The following CELF5 variants were observed in gnomAD, a reference collection of about 807,000 sequenced individuals.
CELF5 encodes CUG-BP and ETR-3 like factor 5.
Under a neutral mutation model 54.9 loss-of-function variants are expected in CELF5, and 6 were observed. That is an observed-to-expected ratio of 0.11 (90% CI 0.06 to 0.22). The LOEUF (loss-of-function observed/expected upper bound fraction) is 0.22, where lower values mean the gene tolerates loss of function less well. Among genes scored for constraint, CELF5 ranks in the 10% least tolerant of loss-of-function variants. The pLI, the probability that CELF5 is intolerant of heterozygous loss-of-function variation, is 1.00. For missense variants in CELF5, 401 were observed against 678.6 expected, an observed-to-expected ratio of 0.59 and a Z score of 4.54; for synonymous variants, 271 against 290.9, an observed-to-expected ratio of 0.93 and a Z score of 0.70.
In CELF5 at chr19:3,268,388, A is replaced by C. The variant is rs2079912892; in HGVS notation, c.343-5484A>C. On this transcript the variant is annotated intron_variant, in intron 2 of 12. Coordinates refer to ENST00000292672, the MANE Select transcript of CELF5 (RefSeq NM_021938.4). This position sits in a 1 kb window ranked among gnomAD's most constrained non-coding sequence, Gnocchi z 4.4. The stretch of plus-strand genomic sequence containing the variant: ...ACCCGAGCTCGGCACACAGGCACAG[A>C]ATAAATGAATGAATAATGAATAAAT... Among the ~76,000 whole-genome samples the C allele has an allele frequency of 6.6e-6, 1 of 152,180 alleles. No individual in the cohort carries two copies. Among genetic ancestry groups the C allele is most frequent in the Admixed American group, 6.6e-5 (1 of 15,266 alleles).
In CELF5 at chr19:3,228,773, C is replaced by A. The variant is rs576531162; in HGVS notation, c.259+3775C>A. On this transcript the variant is annotated intron_variant, in intron 1 of 12. Transcript: ENST00000292672. This position sits in a 1 kb window ranked among gnomAD's most constrained non-coding sequence, Gnocchi z 6.0. ...TGACGCACCAGCTCCAGGGAGAAGG[C>A]GGGCTGGGCGGCCTGGCGGGGGGAC... Among the ~76,000 whole-genome samples, 6 of 137,742 alleles carry A rather than the reference C, an allele frequency of 4.4e-5. No homozygotes were observed. The highest frequency in any genetic ancestry group is 1.7e-4 in the African/African-American group (6 of 35,696). 90.4% of individuals were successfully genotyped at this position (137,742 alleles called of 152,430 possible).
intron 9 of CELF5, 113 bp from the exon 10 acceptor site, chr19:3,285,829 T>A (rs1599479848): frequency 6.7e-5 from 8 of 120,008 alleles, no homozygotes; most frequent in Admixed American, 2.6e-4. Context: ...TCACACCCAC[T>A]CCTGCCTTGG....
In CELF5 at chr19:3,228,671, C is replaced by T. The variant is rs1917073078; in HGVS notation, c.259+3673C>T. 6.6e-6 allele frequency among the ~76,000 whole-genome samples: 1 copy of T among 150,516 alleles called. No individual in the cohort carries two copies. The highest frequency in any genetic ancestry group is 1.5e-5 in the Non-Finnish European group (1 of 67,432). On this transcript the variant is annotated intron_variant, in intron 1 of 12. Transcript: ENST00000292672. The surrounding 1 kb of genome is among the most constrained non-coding windows in gnomAD (Gnocchi z 6.0). ...GGGCCCGCGGTTTCCATGGGAGCAC[C>T]AGCTGCCGGCTCGACTCGGGAGGGG...
intron 1 of CELF5, among the ~76,000 whole-genome samples, chr19:3,248,268 A>C (rs2079594462): frequency 6.6e-6 from 1 of 151,890 alleles, no homozygotes; most frequent in South Asian, 2.1e-4. Flanking sequence ...TGATCCTCCC[A>C]CCTTGGCCTC....
In CELF5 at chr19:3,282,003, C is replaced by A; in HGVS notation, c.751-123C>A. ...TCCCAGTCTGAGCTCCAATTCTGAT[C>A]TCAGCCTGAGCCAAGATACCCAGCC... is the stretch of plus-strand genomic sequence containing the variant. On this transcript the variant is annotated intron_variant, in intron 6 of 12. Transcript: ENST00000292672. This position sits in a 1 kb window ranked among gnomAD's most constrained non-coding sequence, Gnocchi z 5.2. 1 of 1,097,318 alleles carries A rather than the reference C, an allele frequency of 9.1e-7. No homozygotes were observed. Among genetic ancestry groups the A allele is most frequent in the Non-Finnish European group, 1.4e-6 (1 of 737,384 alleles). The allele number at this position is 1,097,318 out of a possible 1,614,324, so 68.0% of individuals were successfully genotyped here.
chr19:3,270,569 G>A (rs906728201), intron 2 of CELF5: 7 of 147,042 alleles, frequency 4.8e-5, no homozygotes, highest in Non-Finnish European at 7.6e-5. Flanking sequence ...CGCGGGGCCC[G>A]AGCGTGCAGT....
At chr19:3,258,065 A>G (rs1302618991) in intron 2 of CELF5, among the ~76,000 whole-genome samples, 1 of 151,704 alleles carries the variant, frequency 6.6e-6, no homozygotes, top group South Asian at 2.1e-4. Context: ...GGTTCAAGCA[A>G]TTCTCCTGAC....
chr19:3,252,045 C>G (rs2079658528), intron 2 of CELF5, among the ~76,000 whole-genome samples: 1 of 151,582 alleles, frequency 6.6e-6, no homozygotes, highest in African/African-American at 2.4e-5. Flanking sequence ...TCTGATGAGT[C>G]TCTCCTTATT....
rs569740647 is a variant in CELF5 at position 3,244,799 on chromosome 19, C to T, written c.260-6186C>T. Among the ~76,000 whole-genome samples the T allele has an allele frequency of 6.0e-5, 8 of 132,500 alleles. No individual in the cohort carries two copies. The South Asian group carries it at 2.0e-3, about 33-fold the overall frequency. 86.9% of individuals were successfully genotyped at this position (132,500 alleles called of 152,430 possible). ...TGCGTGTGTGTATGGTATTTGCATG[C>T]GTCTTGTCTGGTATATGTGTGCGTA... On this transcript the variant is annotated intron_variant, in intron 1 of 12. Transcript: ENST00000292672.
At chr19:3,239,532 G>A (rs1400641050) in intron 1 of CELF5, among the ~76,000 whole-genome samples, 3 of 150,226 alleles carry the variant, frequency 2.0e-5, no homozygotes, top group Non-Finnish European at 2.9e-5. Flanking sequence ...CATCATGCCC[G>A]GCTAACTTTT....
chr19:3,267,096 T>TGGGTGC (rs2079893312), intron 2 of CELF5, among the ~76,000 whole-genome samples: 1 of 82,370 alleles, frequency 1.2e-5, no homozygotes, highest in Admixed American at 2.0e-4. Context: ...TGCATGTGTG[T>TGGGTGC]GTGTGTGTGT....
intron 1 of CELF5, among the ~76,000 whole-genome samples, chr19:3,248,328 C>T (rs1383798606): frequency 6.6e-6 from 1 of 152,006 alleles, no homozygotes; most frequent in African/African-American, 2.4e-5. Flanking sequence ...GCCTCCAGAA[C>T]GTTCTCATCT....
intron 1 of CELF5, among the ~76,000 whole-genome samples, chr19:3,234,896 C>G (rs1327450360): frequency 1.3e-5 from 2 of 151,988 alleles, no homozygotes; most frequent in Non-Finnish European, 2.9e-5. Flanking sequence ...CCTTCGCGCC[C>G]CACAGTCTGT....
rs2080325054 is a variant in CELF5 at position 3,290,463 on chromosome 19, C to T, written c.1330+89C>T. On this transcript the variant is annotated intron_variant, in intron 11 of 12. Coordinates refer to ENST00000292672, the MANE Select transcript of CELF5 (RefSeq NM_021938.4). ...GGGAGGGTTTTGGTCGGCCTCGGGA[C>T]AGGGCTGTGCTGAAATAATCACAAT... 2.0e-5 allele frequency: 28 copies of T among 1,417,760 alleles called. No homozygotes were observed. In the Admixed American group the frequency reaches 4.2e-4, roughly 21 times the overall value. 87.8% of individuals were successfully genotyped at this position (1,417,760 alleles called of 1,614,324 possible). A position where few individuals can be genotyped will look rare whatever the true frequency, so the allele number is the denominator to read the frequency against.
At chr19:3,283,780 C>T (rs1422051226) in intron 8 of CELF5, among the ~76,000 whole-genome samples, 2 of 152,054 alleles carry the variant, frequency 1.3e-5, no homozygotes, top group Non-Finnish European at 2.9e-5. Context: ...GAAACTAACA[C>T]TGGCACCATA....
At chr19:3,246,398 A>G (rs966437680) in intron 1 of CELF5, among the ~76,000 whole-genome samples, 1 of 147,282 alleles carries the variant, frequency 6.8e-6, no homozygotes, top group Non-Finnish European at 1.5e-5. Flanking sequence ...TCTCTCTCTC[A>G]TATGTATATA....
chr19:3,245,600 G>A (rs1238830179), intron 1 of CELF5, among the ~76,000 whole-genome samples: 1 of 150,830 alleles, frequency 6.6e-6, no homozygotes, highest in Admixed American at 6.6e-5. Context: ...CTAGGAAGAA[G>A]GTTTTTTACC....
At chr19:3,284,233 G>C (rs1405237587) in intron 8 of CELF5, among the ~76,000 whole-genome samples, 1 of 152,026 alleles carries the variant, frequency 6.6e-6, no homozygotes, top group Non-Finnish European at 1.5e-5. Flanking sequence ...CACAGATGCA[G>C]ACTTGTGGAT....
intron 2 of CELF5, among the ~76,000 whole-genome samples, chr19:3,261,396 C>T (rs376595794): frequency 7.7e-4 from 115 of 150,138 alleles, no homozygotes; most frequent in Admixed American, 1.7e-3. Flanking sequence ...CCAGCATGGG[C>T]GACAGAGCAA....
Sources: allele counts gnomAD v4.1 joint callset (sites outside exome capture counted in the v4.1 genomes callset), GRCh38; gene constraint gnomAD v4.1.1; non-coding constraint Gnocchi (gnomAD v3.1); transcripts MANE v1.5; gene names NCBI Gene and HGNC (gene_info 2026-07-23, HGNC 2026-07-21).